RORB: variants seen among roughly 807,000 people sequenced by gnomAD.
RORB encodes RAR related orphan receptor B, also known as nuclear receptor ROR-beta.
In RORB, 6 loss-of-function variants were observed where a neutral mutation model predicts 59.1. The observed-to-expected ratio is 0.10, with a 90% CI of 0.06 to 0.20. The LOEUF is 0.20. Ranked by LOEUF, RORB falls within the 10% of genes least tolerant of loss-of-function variation. RORB has a pLI of 1.00. For missense variants in RORB, 320 were observed against 560.5 expected, an observed-to-expected ratio of 0.57 and a Z score of 4.33; for synonymous variants, 215 against 204.5, an observed-to-expected ratio of 1.05 and a Z score of -0.44.
intron 1 of RORB, among the ~76,000 whole-genome samples, chr9:74,521,969 G>A (rs975333733): frequency 2.6e-5 from 4 of 151,618 alleles, no homozygotes; most frequent in African/African-American, 9.7e-5. Context: ...ACTAATTTCT[G>A]CTCTTGTCTG....
At chr9:74,582,595 A>G (rs968360572) in intron 1 of RORB, among the ~76,000 whole-genome samples, 1 of 152,198 alleles carries the variant, frequency 6.6e-6, no homozygotes, top group African/African-American at 2.4e-5. Context: ...CCAACATTAC[A>G]AGATTGGAAG....
At chr9:74,626,801 T>C (rs1318345956) in intron 1 of RORB, among the ~76,000 whole-genome samples, 1 of 152,174 alleles carries the variant, frequency 6.6e-6, no homozygotes, top group Non-Finnish European at 1.5e-5. Context: ...TGGCAGGCAT[T>C]GGAGAAATAA....
At chr9:74,618,093 A>T (rs996330441) in intron 1 of RORB, among the ~76,000 whole-genome samples, 27 of 152,302 alleles carry the variant, frequency 1.8e-4, no homozygotes, top group African/African-American at 6.5e-4. Context: ...TGTTCAAAAA[A>T]ATCAAAGCTC....
At chr9:74,560,838 C>T (rs1176298201) in intron 1 of RORB, among the ~76,000 whole-genome samples, 7 of 152,046 alleles carry the variant, frequency 4.6e-5, no homozygotes, top group South Asian at 2.1e-4. Flanking sequence ...CCTACAACGA[C>T]GTGGGTTTCT....
At chr9:74,657,876 G>GA (rs1824109987) in intron 4 of RORB, among the ~76,000 whole-genome samples, 1 of 151,544 alleles carries the variant, frequency 6.6e-6, no homozygotes, top group South Asian at 2.1e-4. Context: ...GTGGTGGTGG[G>GA]CACCTGTAAT....
chr9:74,549,165 G>A, intron 1 of RORB, among the ~76,000 whole-genome samples: 1 of 152,188 alleles, frequency 6.6e-6, no homozygotes, highest in East Asian at 1.9e-4. Flanking sequence ...CTGCTTGTCA[G>A]CCGGCTGCAG....
chr9:74,672,498 G>C (rs1032652047), intron 9 of RORB, among the ~76,000 whole-genome samples: 18 of 152,150 alleles, frequency 1.2e-4, no homozygotes, highest in African/African-American at 4.1e-4. Context: ...CTTCGTGCAA[G>C]ACTTGCCCTG....
intron 1 of RORB, among the ~76,000 whole-genome samples, chr9:74,578,755 C>T (rs112865398): frequency 3.2e-4 from 49 of 152,192 alleles, no homozygotes; most frequent in African/African-American, 1.1e-3. Flanking sequence ...CTTTAGTCTT[C>T]GGCACTGTTT....
chr9:74,682,314 T>A (rs997042063), intron 9 of RORB, among the ~76,000 whole-genome samples: 3 of 148,808 alleles, frequency 2.0e-5, no homozygotes, highest in African/African-American at 7.4e-5. Context: ...GGATAGCATT[T>A]GGAGATATAC....
Position 74,692,551 on chromosome 9 carries a change from G to A in RORB, c.*6933G>A, listed in dbSNP as rs1220153872. On this transcript the variant is annotated 3_prime_UTR_variant, in exon 10 of 10. Transcript: ENST00000376896. The stretch of plus-strand genomic sequence containing the variant: ...GCTTGGCTGTGCCCACTAACCTACT[G>A]CGCCTGGGGGGCAGCATGGGAGGGG... The A allele has an allele frequency of 6.6e-6, 1 of 152,162 alleles. No homozygotes were observed. The highest frequency in any genetic ancestry group is 1.9e-4 in the East Asian group (1 of 5,186). 9.4% of individuals were successfully genotyped at this position (152,162 alleles called of 1,614,324 possible).
chr9:74,519,977 AATAATGCACT>A (rs1317871491), intron 1 of RORB, among the ~76,000 whole-genome samples: 1 of 151,902 alleles, frequency 6.6e-6, no homozygotes, highest in African/African-American at 2.4e-5. Context: ...AGGCAGGTAC[AATAATGCACT>A]ATATATTATC....
intron 1 of RORB, among the ~76,000 whole-genome samples, chr9:74,550,376 A>G (rs977201298): frequency 6.6e-6 from 1 of 152,232 alleles, no homozygotes; most frequent in East Asian, 1.9e-4. Flanking sequence ...TTTGACCACA[A>G]ATCAGGATAA....
chr9:74,592,397 A>G (rs1374875892), intron 1 of RORB, among the ~76,000 whole-genome samples: 1 of 152,244 alleles, frequency 6.6e-6, no homozygotes, highest in Non-Finnish European at 1.5e-5. Context: ...ATGGTTGACC[A>G]CCAAGTACTT....
intron 3 of RORB, among the ~76,000 whole-genome samples, chr9:74,636,967 T>C (rs1823713774): frequency 6.6e-6 from 1 of 152,174 alleles, no homozygotes; most frequent in South Asian, 2.1e-4. Context: ...TATTGATAAG[T>C]ATTGCCTAGT....
At chr9:74,529,767 G>A (rs1826207998) in intron 1 of RORB, among the ~76,000 whole-genome samples, 1 of 151,686 alleles carries the variant, frequency 6.6e-6, no homozygotes, top group East Asian at 1.9e-4. Context: ...ATGAAAACTA[G>A]CTCCCTGGTT....
At chr9:74,586,424 G>A (rs1490263832) in intron 1 of RORB, among the ~76,000 whole-genome samples, 1 of 152,004 alleles carries the variant, frequency 6.6e-6, no homozygotes, top group African/African-American at 2.4e-5. Flanking sequence ...TTTGAGCCTG[G>A]GACATGGAGG....
intron 1 of RORB, among the ~76,000 whole-genome samples, chr9:74,505,033 T>G (rs962677012): frequency 1.3e-5 from 2 of 152,224 alleles, no homozygotes; most frequent in East Asian, 3.9e-4. Context: ...ACAAATGGTA[T>G]TCTGAATTTA....
Position 74,686,629 on chromosome 9 carries a change from C to G in RORB, c.*1011C>G, listed in dbSNP as rs1037282563. 11 of 152,348 alleles carry G rather than the reference C, an allele frequency of 7.2e-5. No homozygotes were observed. Among genetic ancestry groups the G allele is most frequent in the Admixed American group, 2.6e-4 (4 of 15,288 alleles). 9.4% of individuals were successfully genotyped at this position (152,348 alleles called of 1,614,324 possible). A position where few individuals can be genotyped will look rare whatever the true frequency, so the allele number is the denominator to read the frequency against. Reference sequence around the variant, plus strand: ...GAAAAATACAATCTGTGGATTATGACTACCAGCAATTTTTTTCTAGGAAAG... The same window carrying G: ...GAAAAATACAATCTGTGGATTATGAGTACCAGCAATTTTTTTCTAGGAAAG... On this transcript the variant is annotated 3_prime_UTR_variant, in exon 10 of 10. Coordinates refer to ENST00000376896, the MANE Select transcript of RORB (RefSeq NM_006914.4).
intron 1 of RORB, among the ~76,000 whole-genome samples, chr9:74,582,549 G>T (rs778812507): frequency 6.6e-6 from 1 of 152,136 alleles, no homozygotes; most frequent in Non-Finnish European, 1.5e-5. Flanking sequence ...GTTTTGTTTG[G>T]CCCTTGCAGT....
Sources: allele counts gnomAD v4.1 joint callset (sites outside exome capture counted in the v4.1 genomes callset), GRCh38; gene constraint gnomAD v4.1.1; transcripts MANE v1.5; gene names NCBI Gene and HGNC (gene_info 2026-07-23, HGNC 2026-07-21).